The following PIAS4 variants were observed in gnomAD, a reference collection of about 807,000 sequenced individuals.
The protein encoded by PIAS4 is protein inhibitor of activated STAT 4.
PIAS4 carries 7 observed loss-of-function variants against 58.0 expected under a neutral mutation model. The observed-to-expected ratio is 0.12, with a 90% confidence interval of 0.07 to 0.23. PIAS4 has a LOEUF of 0.23. Among genes scored for constraint, PIAS4 ranks in the 10% least tolerant of loss-of-function variants. The pLI, the probability that PIAS4 is intolerant of heterozygous loss-of-function variation, is 1.00. For missense variants in PIAS4, 550 were observed against 709.5 expected (o/e 0.78, Z 2.55); for synonymous variants, 364 against 312.4 (o/e 1.17, Z -1.74).
chr19:4,024,985 G>A (rs926318932), intron 3 of PIAS4, among the ~76,000 whole-genome samples: 1 of 152,172 alleles, frequency 6.6e-6, no homozygotes, highest in African/African-American at 2.4e-5. Flanking sequence ...GGCTGGTCTC[G>A]AATTCCTGAC....
At chr19:4,029,967 C>T (rs1210037164) in intron 7 of PIAS4, among the ~76,000 whole-genome samples, 1 of 151,844 alleles carries the variant, frequency 6.6e-6, no homozygotes, top group Non-Finnish European at 1.5e-5. Flanking sequence ...GGACTACAGG[C>T]ATGTGCCACC....
At chr19:4,014,786 C>T (rs1004381448) in intron 2 of PIAS4, among the ~76,000 whole-genome samples, 3 of 152,236 alleles carry the variant, frequency 2.0e-5, no homozygotes, top group Non-Finnish European at 4.4e-5. Context: ...CAGCTGGCCC[C>T]CGCTCCCCTG....
intron 3 of PIAS4, among the ~76,000 whole-genome samples, chr19:4,026,236 G>A (rs1005139847): frequency 3.5e-5 from 5 of 144,408 alleles, no homozygotes; most frequent in East Asian, 2.1e-4. Flanking sequence ...AGGTTCAAGC[G>A]ATTCTCCTGA....
intron 1 of PIAS4, among the ~76,000 whole-genome samples, chr19:4,011,407 T>C (rs2039990698): frequency 6.6e-6 from 1 of 152,226 alleles, no homozygotes; most frequent in Admixed American, 6.5e-5. Flanking sequence ...TTCAGGGTCC[T>C]ACCCCTCATG....
In PIAS4 at chr19:4,037,326, G is replaced by C. The variant is rs761752306; in HGVS notation, c.1143-48G>C. 48 of 1,567,022 alleles carry C rather than the reference G, an allele frequency of 3.1e-5. No homozygotes were observed. The highest frequency in any genetic ancestry group is 3.8e-5 in the Non-Finnish European group (44 of 1,155,044). ...AGGGATGGAGGGCTGGGGAGTTGGG[G>C]GGGTGGGGCACCTCCAGCCCCGGCG... On this transcript the variant is annotated intron_variant, in intron 9 of 10. Transcript: ENST00000262971. This position sits in a 1 kb window ranked among gnomAD's most constrained non-coding sequence, Gnocchi z 5.8.
intron 1 of PIAS4, among the ~76,000 whole-genome samples, chr19:4,012,255 C>T (rs1170474831): frequency 6.6e-6 from 1 of 151,960 alleles, no homozygotes; most frequent in Non-Finnish European, 1.5e-5. Flanking sequence ...AGAACCGCCC[C>T]TGGCTTCAGA....
intron 9 of PIAS4, among the ~76,000 whole-genome samples, chr19:4,036,301 T>C (rs201164355): frequency 1.2e-5 from 1 of 81,690 alleles, no homozygotes; most frequent in Non-Finnish European, 2.9e-5. Flanking sequence ...CACACACACA[T>C]CTATACAGTC....
chr19:4,031,916 C>G (rs576396344), intron 7 of PIAS4, among the ~76,000 whole-genome samples: 1 of 152,200 alleles, frequency 6.6e-6, no homozygotes, highest in Non-Finnish European at 1.5e-5. Flanking sequence ...GAGGGTCCAC[C>G]CGGGCACCGG....
intron 2 of PIAS4, 25 bp from the exon 3 acceptor site, chr19:4,024,011 C>T (rs1409945632): frequency 4.6e-6 from 7 of 1,531,780 alleles, no homozygotes; most frequent in South Asian, 2.2e-5. Flanking sequence ...ACCAGACATG[C>T]CCCTGACCCC....
intron 1 of PIAS4, among the ~76,000 whole-genome samples, chr19:4,010,435 T>C (rs2039981946): frequency 6.6e-6 from 1 of 152,252 alleles, no homozygotes; most frequent in Non-Finnish European, 1.5e-5. Flanking sequence ...CTCTCCCTGC[T>C]AAGGCTTTGG....
At chr19:4,021,929 TG>T (rs2040114055) in intron 2 of PIAS4, among the ~76,000 whole-genome samples, 1 of 151,860 alleles carries the variant, frequency 6.6e-6, no homozygotes, top group African/African-American at 2.4e-5. Context: ...AAAAATTTTT[TG>T]TAGAGACAAG....
In PIAS4 at chr19:4,037,779, G is replaced by GGAA. The variant is rs1568223700; in HGVS notation, c.1439_1440insAGA (p.Glu487dup). The GGAA allele has an allele frequency of 5.7e-6, 9 of 1,581,466 alleles. No homozygotes were observed. Among genetic ancestry groups the GGAA allele is most frequent in the Non-Finnish European group, 7.8e-6 (9 of 1,160,562 alleles). On this transcript the variant is annotated inframe_insertion, in exon 11 of 11. Transcript: ENST00000262971. The surrounding 1 kb of genome is among the most constrained non-coding windows in gnomAD (Gnocchi z 5.8). Reference sequence around the variant, plus strand: ...ACAGCTCATCGTCCTCGGAGGATGAGGAGGAGGAGGAAGAGGAGGAGGAAG... The same window carrying GGAA: ...ACAGCTCATCGTCCTCGGAGGATGAGGAAGAGGAGGAGGAAGAGGAGGAGGAAG...
rs925915514 is a variant in PIAS4, at chr19:4,030,289, A to G, written c.907+1253A>G. Among the ~76,000 whole-genome samples the G allele has an allele frequency of 2.7e-4, 39 of 146,142 alleles. 1 individual carries two copies. In the South Asian group the frequency reaches 4.7e-3, roughly 18 times the overall value. On this transcript the variant is annotated intron_variant, in intron 7 of 10. Coordinates refer to ENST00000262971, the MANE Select transcript of PIAS4 (RefSeq NM_015897.4). ...CTCTTTTGTCCTTGTAACAATGAAA[A>G]CAATTTTTTTTAAGTGACACGCAGA... is the stretch of plus-strand genomic sequence containing the variant.
At chr19:4,012,894 T>A in intron 1 of PIAS4, 29 bp from the exon 2 acceptor site, 12 of 1,588,508 alleles carry the variant, frequency 7.6e-6, no homozygotes, top group Non-Finnish European at 1.0e-5. Context: ...CTGTGTCCTC[T>A]GAGTGTGTGT....
Position 4,013,128 on chromosome 19 carries a change from A to G in PIAS4, c.233A>G (p.His78Arg). The change falls in exon 2 of 11, where the codon CAC becomes CGC. Residue 78 changes from histidine (H) to arginine (R), a missense_variant. His to Arg is a conservative substitution (Grantham distance 29, BLOSUM62 0). Around this residue, in one of 4 missense-constraint regions of PIAS4, gnomAD observed 95 missense variants for 87.5 expected, o/e 1.09. Coordinates refer to ENST00000262971, the MANE Select transcript of PIAS4 (RefSeq NM_015897.4). The surrounding 1 kb of genome is among the most constrained non-coding windows in gnomAD (Gnocchi z 5.1). ...KKNSEPAPQP[H>R]RPLDPLTMHS... Reference sequence around the variant, plus strand: ...AACTCGGAGCCTGCCCCACAGCCGCACCGGCCCCTGGACCCCCTGACCATG... The same window carrying G: ...AACTCGGAGCCTGCCCCACAGCCGCGCCGGCCCCTGGACCCCCTGACCATG... 3 of 1,613,268 alleles carry G rather than the reference A, an allele frequency of 1.9e-6. No individual in the cohort carries two copies. The highest frequency in any genetic ancestry group is 1.6e-4 in the Middle Eastern group (1 of 6,062).
chr19:4,038,901 C>G lies in PIAS4; in HGVS notation c.*1026C>G. On this transcript the variant is annotated 3_prime_UTR_variant, in exon 11 of 11. Transcript: ENST00000262971. This position sits in a 1 kb window ranked among gnomAD's most constrained non-coding sequence, Gnocchi z 4.1. ...CACCCTGTCCCCCGGGAGCCTCACT[C>G]TTCCAGCAGGACCAGACCAGGGGCC... is the stretch of plus-strand genomic sequence containing the variant. 6.6e-6 allele frequency: 1 copy of G among 152,582 alleles called. No homozygotes were observed. The highest frequency in any genetic ancestry group is 1.9e-4 in the East Asian group (1 of 5,208). The allele number at this position is 152,582 out of a possible 1,614,324, so 9.5% of individuals were successfully genotyped here. A position where few individuals can be genotyped will look rare whatever the true frequency, so the allele number is the denominator to read the frequency against.
At chr19:4,036,013 T>G (rs994185666) in intron 9 of PIAS4, among the ~76,000 whole-genome samples, 26 of 6,466 alleles carry the variant, frequency 4.0e-3, no homozygotes, top group Admixed American at 0.011. Flanking sequence ...GTCCACACCT[T>G]CACACATCCA....
chr19:4,023,959 GC>G, intron 2 of PIAS4, 76 bp from the exon 3 acceptor site: 1 of 958,260 alleles, frequency 1.0e-6, no homozygotes, highest in Non-Finnish European at 1.7e-6. Flanking sequence ...CTGAAGAGGC[GC>G]AGGCTGGGAA....
At chr19:4,027,978 G>A (rs2040183823) in intron 3 of PIAS4, among the ~76,000 whole-genome samples, 168 bp from the exon 4 acceptor site, 1 of 152,030 alleles carries the variant, frequency 6.6e-6, no homozygotes, top group African/African-American at 2.4e-5. Context: ...TGACCTCACA[G>A]CCACTCCTCT....
Sources: allele counts gnomAD v4.1 joint callset (sites outside exome capture counted in the v4.1 genomes callset), GRCh38; gene constraint gnomAD v4.1.1; regional missense constraint gnomAD v4.1.1; non-coding constraint Gnocchi (gnomAD v3.1); transcripts MANE v1.5; gene names NCBI Gene and HGNC (gene_info 2026-07-23, HGNC 2026-07-21).